Variants in SEC14L3 observed in about 807,000 individuals in gnomAD.
The protein encoded by SEC14L3 is SEC14 like lipid binding 3.
Under a neutral mutation model 57.4 loss-of-function variants are expected in SEC14L3, and 56 were observed. That is an observed-to-expected ratio of 0.97 (90% confidence interval 0.79 to 1.22). The LOEUF (loss-of-function observed/expected upper bound fraction) is 1.22, where lower values mean the gene tolerates loss of function less well. Among genes scored for constraint, SEC14L3 ranks in the 50% most tolerant of loss-of-function variants. SEC14L3 has a pLI of 0.00. For synonymous variants in SEC14L3, 173 were observed against 194.4 expected (o/e 0.89, Z 0.92); for missense variants, 485 against 511.7 (o/e 0.95, Z 0.50).
chr22:30,464,783 T>G, intron 8 of SEC14L3, 37 bp downstream of exon 8: 1 of 1,602,882 alleles, frequency 6.2e-7, no homozygotes, highest in Non-Finnish European at 8.5e-7. Context: ...CCAAAGGTCA[T>G]GTATAGAGGT....
chr22:30,453,334 T>G (rs1935022935), intron 12 of SEC14L3, among the ~76,000 whole-genome samples: 1 of 152,190 alleles, frequency 6.6e-6, no homozygotes, highest in Non-Finnish European at 1.5e-5. Flanking sequence ...AGTAGGAGAA[T>G]TTAACCAGTC....
At chr22:30,447,867 G>C (rs1053908147), downstream of SEC14L3, 1 of 152,134 alleles carries the variant, frequency 6.6e-6, no homozygotes, top group Admixed American at 6.5e-5. Context: ...CCATGCCCTA[G>C]GCTTATCTGT....
Position 30,468,516 on chromosome 22 carries a change from T to C in SEC14L3, c.415A>G (p.Thr139Ala), listed in dbSNP as rs911736967. The C allele has an allele frequency of 1.2e-6, 2 of 1,610,962 alleles. No homozygotes were observed. Residue 139 changes from threonine (T) to alanine (A), a missense_variant, in exon 5 of 12, where the codon ACA becomes GCA. Transcript: ENST00000215812. ...ERILHECDLQTERLGKKIETI... is the reference protein window; with the variant it reads ...ERILHECDLQAERLGKKIETI... ...CCTGGCCTGGACCTCACCCTCTCTG[T>C]CTGCAGGTCACACTCATGCAGGATG...
chr22:30,460,716 G>A (rs971080213), intron 11 of SEC14L3, among the ~76,000 whole-genome samples: 5 of 151,232 alleles, frequency 3.3e-5, no homozygotes, highest in African/African-American at 1.2e-4. Flanking sequence ...TAATCCAAGC[G>A]ACTCAGAAGG....
intron 4 of SEC14L3, among the ~76,000 whole-genome samples, chr22:30,469,348 C>T (rs916769767): frequency 6.6e-6 from 1 of 151,860 alleles, no homozygotes; most frequent in African/African-American, 2.4e-5. Context: ...TGCTTCTGTA[C>T]TGTGTGTCCT....
chr22:30,469,959 C>T lies in SEC14L3; in HGVS notation c.234+60G>A, dbSNP rs549667874. 2.1e-5 allele frequency: 28 copies of T among 1,302,656 alleles called. 1 individual carries two copies. In the East Asian group the frequency reaches 6.3e-4, roughly 29 times the overall value. The allele number at this position is 1,302,656 out of a possible 1,614,324, so 80.7% of individuals were successfully genotyped here. A position where few individuals can be genotyped will look rare whatever the true frequency, so the allele number is the denominator to read the frequency against. ...GGCTTGCTGCCCCTCATTCATGGTCCCCAGTGACCTTGAGTGGTACGTCCG... is the reference window on the plus strand; with the variant it reads ...GGCTTGCTGCCCCTCATTCATGGTCTCCAGTGACCTTGAGTGGTACGTCCG... On this transcript the variant is annotated intron_variant, in intron 4 of 11. Transcript: ENST00000215812.
downstream of SEC14L3, among the ~76,000 whole-genome samples, chr22:30,454,889 T>TATA (rs1569225376): frequency 4.6e-5 from 1 of 21,644 alleles, no homozygotes; most frequent in Non-Finnish European, 7.2e-5. Context: ...TATTATATAT[T>TATA]ATATAATAGA....
At chr22:30,447,948 T>TG (rs923007269), downstream of SEC14L3, 3 of 150,698 alleles carry the variant, frequency 2.0e-5, no homozygotes, top group Admixed American at 1.3e-4. Context: ...GGCAATGTTT[T>TG]TTTTTTTTTT....
At chr22:30,461,233 C>T in intron 11 of SEC14L3, 77 bp downstream of exon 11, 1 of 1,506,290 alleles carries the variant, frequency 6.6e-7, no homozygotes, top group Non-Finnish European at 8.9e-7. Context: ...TGTCACTGCC[C>T]CTCTGTTTCC....
chr22:30,461,386 A>C lies in SEC14L3; in HGVS notation c.1005T>G (p.Asp335Glu), dbSNP rs2240345. Residue 335 changes from aspartate (D) to glutamate (E), a missense_variant, in exon 11 of 12, where the codon GAT becomes GAG. Transcript: ENST00000215812. ...GERQRAGEMT[D>E]VLPSQRYNAH... is the part of the protein sequence containing the mutation. ...CGTTATAGCGCTGGCTGGGTAGAACATCTGTCATCTCCCCTGCCCGCTGTC... is the reference window on the plus strand; with the variant it reads ...CGTTATAGCGCTGGCTGGGTAGAACCTCTGTCATCTCCCCTGCCCGCTGTC... 0.64 allele frequency: 1,034,998 copies of C among 1,613,644 alleles called. 338,302 individuals are homozygous for C. The highest frequency in any genetic ancestry group is 0.88 in the East Asian group (39,453 of 44,846).
chr22:30,449,163 T>G, exon 13 of SEC14L3: 5 of 1,550,396 alleles, frequency 3.2e-6, no homozygotes, highest in Non-Finnish European at 4.4e-6. Flanking sequence ...CACTTGCGAG[T>G]TTGAGTGTGA....
chr22:30,464,040 C>T (rs2146110108), intron 8 of SEC14L3, among the ~76,000 whole-genome samples: 1 of 152,294 alleles, frequency 6.6e-6, no homozygotes, highest in African/African-American at 2.4e-5. Flanking sequence ...CTTTTAAAAA[C>T]TTAAAGACAT....
chr22:30,467,285 A>G (rs922449040), intron 5 of SEC14L3: 1 of 241,992 alleles, frequency 4.1e-6, no homozygotes, highest in Non-Finnish European at 6.6e-6. Flanking sequence ...CCATCCATCT[A>G]TCCAACCATC....
chr22:30,448,024 CA>C (rs1309736842), exon 13 of SEC14L3: 1 of 151,060 alleles, frequency 6.6e-6, no homozygotes, highest in Non-Finnish European at 1.5e-5. Flanking sequence ...AAGTTCTGGG[CA>C]TAGGACTCCC....
At chr22:30,448,968 C>G (rs933281470) in exon 13 of SEC14L3, 2 of 903,526 alleles carry the variant, frequency 2.2e-6, no homozygotes, top group Non-Finnish European at 3.4e-6. Context: ...TATAGATAAC[C>G]CCTCTTAGAA....
chr22:30,463,953 T>C (rs1030569719), intron 8 of SEC14L3, among the ~76,000 whole-genome samples: 1 of 152,238 alleles, frequency 6.6e-6, no homozygotes, highest in African/African-American at 2.4e-5. Flanking sequence ...ATTGTACATA[T>C]GTTTTCATAA....
chr22:30,459,880 T>A lies in SEC14L3; in HGVS notation c.*141A>T. 3 of 1,418,896 alleles carry A rather than the reference T, an allele frequency of 2.1e-6. No individual in the cohort carries two copies. Among genetic ancestry groups the A allele is most frequent in the Non-Finnish European group, 2.8e-6 (3 of 1,081,932 alleles). The allele number at this position is 1,418,896 out of a possible 1,614,324, so 87.9% of individuals were successfully genotyped here. A position where few individuals can be genotyped will look rare whatever the true frequency, so the allele number is the denominator to read the frequency against. On this transcript the variant is annotated 3_prime_UTR_variant, in exon 12 of 12. Coordinates refer to ENST00000215812, the MANE Select transcript of SEC14L3 (RefSeq NM_174975.5). Reference sequence around the variant, plus strand: ...CTTGATCTGACCACAGTAGATGAGTTTTCCCCAGGGCATCTCTTTCTGTAC... The same window carrying A: ...CTTGATCTGACCACAGTAGATGAGTATTCCCCAGGGCATCTCTTTCTGTAC...
intron 8 of SEC14L3, among the ~76,000 whole-genome samples, chr22:30,462,534 G>A (rs573685695): frequency 2.0e-5 from 3 of 152,106 alleles, no homozygotes; most frequent in South Asian, 2.1e-4. Context: ...AGCCTCCTGC[G>A]TAGCTGGGAC....
chr22:30,455,098 A>T (rs4314095), downstream of SEC14L3, among the ~76,000 whole-genome samples: 723 of 33,888 alleles, frequency 0.021, 10 homozygotes, highest in African/African-American at 0.11. Context: ...TTAATATATA[A>T]TATATTTAAT....
Sources: gnomAD v4.1 joint callset for allele counts (sites outside exome capture counted in the v4.1 genomes callset) on GRCh38, gnomAD v4.1.1 for gene constraint, MANE v1.5 for transcripts, NCBI Gene and HGNC (gene_info 2026-07-23, HGNC 2026-07-21) for gene names.